Variants in MAF observed in about 807,000 individuals in gnomAD.
MAF encodes the protein transcription factor Maf.
In MAF, 10 loss-of-function variants were observed where a neutral mutation model predicts 22.0. The observed-to-expected ratio is 0.45, with a 90% CI of 0.28 to 0.77. The LOEUF is 0.77. Ranked by LOEUF, MAF falls within the 30% of genes least tolerant of loss-of-function variation. The pLI is 0.12. For synonymous variants in MAF, 337 were observed against 255.8 expected (o/e 1.32, Z -3.03); for missense variants, 544 against 548.4 (o/e 0.99, Z 0.08).
At chr16:79,203,185 A>C in the MAF span, 1 of 152,168 alleles carries the variant, frequency 6.6e-6, no homozygotes, top group Non-Finnish European at 1.5e-5. Context: ...TCTCTGTGTA[A>C]AGGCAGTGCC....
At chr16:79,542,435 A>C in the MAF span, among the ~76,000 whole-genome samples, 1 of 152,192 alleles carries the variant, frequency 6.6e-6, no homozygotes, top group South Asian at 2.1e-4. Flanking sequence ...GTGTCTCCCA[A>C]GCAACAGGGG....
At chr16:79,207,957 G>A in the MAF span, among the ~76,000 whole-genome samples, 3 of 152,116 alleles carry the variant, frequency 2.0e-5, no homozygotes, top group Non-Finnish European at 4.4e-5. Context: ...CCAACACCGA[G>A]TTTTGGAAGG....
chr16:79,265,760 T>A, the MAF span, among the ~76,000 whole-genome samples: 1 of 152,328 alleles, frequency 6.6e-6, no homozygotes, highest in Non-Finnish European at 1.5e-5. Context: ...CCTTTTCCCC[T>A]AAAGGAAGCA....
At chr16:79,575,673 A>G in the MAF span, among the ~76,000 whole-genome samples, 3 of 152,194 alleles carry the variant, frequency 2.0e-5, no homozygotes, top group Non-Finnish European at 4.4e-5. Context: ...GATGTGCAAA[A>G]AGAGAAAAGG....
At chr16:79,299,985 G>A in the MAF span, among the ~76,000 whole-genome samples, 2 of 152,168 alleles carry the variant, frequency 1.3e-5, no homozygotes, top group African/African-American at 4.8e-5. Context: ...ACTTACTTGA[G>A]AGCATCAGTG....
the MAF span, among the ~76,000 whole-genome samples, chr16:79,510,082 C>A: frequency 4.6e-5 from 7 of 152,234 alleles, no homozygotes; most frequent in Admixed American, 1.3e-4. Context: ...TTTACTAGCT[C>A]GGCGATTGCA....
chr16:79,469,042 C>A, the MAF span, among the ~76,000 whole-genome samples: 1 of 152,122 alleles, frequency 6.6e-6, no homozygotes, highest in East Asian at 1.9e-4. Context: ...GCATTTATTC[C>A]TTAGCCACCC....
At chr16:79,219,984 G>C in the MAF span, among the ~76,000 whole-genome samples, 1,339 of 152,300 alleles carry the variant, frequency 8.8e-3, 10 homozygotes, top group Non-Finnish European at 0.014. Context: ...AAAATGTACT[G>C]CTGTTTTTAT....
At chr16:79,472,767 T>G in the MAF span, among the ~76,000 whole-genome samples, 9 of 152,120 alleles carry the variant, frequency 5.9e-5, no homozygotes, top group African/African-American at 2.2e-4. Context: ...GTGAATTTTA[T>G]AGTAATGTAT....
chr16:79,203,665 A>T, the MAF span: 2 of 152,166 alleles, frequency 1.3e-5, no homozygotes, highest in African/African-American at 2.4e-5. Context: ...GTTTTCTAAA[A>T]GACGTAATTT....
At chr16:79,316,359 G>A in the MAF span, among the ~76,000 whole-genome samples, 1 of 152,160 alleles carries the variant, frequency 6.6e-6, no homozygotes, top group African/African-American at 2.4e-5. Flanking sequence ...CCCATAAATG[G>A]AGAAGGCAGC....
chr16:79,569,203 G>T, the MAF span, among the ~76,000 whole-genome samples: 1 of 152,172 alleles, frequency 6.6e-6, no homozygotes, highest in African/African-American at 2.4e-5. Flanking sequence ...AACGCTTTGT[G>T]GGAGGGTCTT....
chr16:79,487,155 G>T, the MAF span, among the ~76,000 whole-genome samples: 1 of 149,128 alleles, frequency 6.7e-6, no homozygotes, highest in Non-Finnish European at 1.5e-5. Context: ...TTCAGTTATA[G>T]AACCTCCAGA....
the MAF span, among the ~76,000 whole-genome samples, chr16:79,438,116 G>C: frequency 6.6e-4 from 101 of 152,208 alleles, no homozygotes; most frequent in South Asian, 2.1e-3. Context: ...CGTGGCGTTG[G>C]GGGGGCAGGG....
chr16:79,558,650 G>T, the MAF span, among the ~76,000 whole-genome samples: 4 of 152,158 alleles, frequency 2.6e-5, no homozygotes, highest in Non-Finnish European at 5.9e-5. Context: ...TTCATTCATA[G>T]TTGGAACTCA....
the MAF span, among the ~76,000 whole-genome samples, chr16:79,529,291 G>A: frequency 5.9e-5 from 9 of 152,108 alleles, no homozygotes; most frequent in Non-Finnish European, 1.2e-4. Flanking sequence ...GATCCAGTTT[G>A]ACCCCAGTCT....
At chr16:79,334,626 G>T in the MAF span, among the ~76,000 whole-genome samples, 1 of 152,168 alleles carries the variant, frequency 6.6e-6, no homozygotes, top group Non-Finnish European at 1.5e-5. Context: ...TTTCAGGATA[G>T]CAACAGCAGA....
chr16:79,480,136 T>C, the MAF span, among the ~76,000 whole-genome samples: 1 of 152,112 alleles, frequency 6.6e-6, no homozygotes, highest in Non-Finnish European at 1.5e-5. Flanking sequence ...CTGGCTGAGA[T>C]ACCACCTCTC....
chr16:79,298,417 G>A, the MAF span, among the ~76,000 whole-genome samples: 1 of 152,326 alleles, frequency 6.6e-6, no homozygotes, highest in East Asian at 1.9e-4. Context: ...GTGTAATGCT[G>A]GGATACAGAT....
Sources: gnomAD v4.1 joint callset for allele counts (sites outside exome capture counted in the v4.1 genomes callset) on GRCh38, gnomAD v4.1.1 for gene constraint, MANE v1.5 for transcripts, NCBI Gene and HGNC (gene_info 2026-07-23, HGNC 2026-07-21) for gene names.